CCNI2: variants seen among roughly 807,000 people sequenced by gnomAD.
The protein encoded by CCNI2 is cyclin-I2.
In CCNI2, 32 loss-of-function variants were observed where a neutral mutation model predicts 33.2. That is an observed-to-expected ratio of 0.96 (90% confidence interval 0.73 to 1.30). The LOEUF is 1.30. Among genes scored for constraint, CCNI2 ranks in the 50% most tolerant of loss-of-function variants. The pLI, the probability that CCNI2 is intolerant of heterozygous loss-of-function variation, is 0.00. For synonymous variants in CCNI2, 231 were observed against 219.9 expected (o/e 1.05, Z -0.45); for missense variants, 452 against 486.2 (o/e 0.93, Z 0.66).
Position 132,753,070 on chromosome 5 carries a change from G to A in CCNI2, c.*100G>A. 4 of 962,052 alleles carry A rather than the reference G, an allele frequency of 4.2e-6. No homozygotes were observed. Among genetic ancestry groups the A allele is most frequent in the Non-Finnish European group, 6.4e-6 (4 of 622,490 alleles). The allele number at this position is 962,052 out of a possible 1,614,324, so 59.6% of individuals were successfully genotyped here. A position where few individuals can be genotyped will look rare whatever the true frequency, so the allele number is the denominator to read the frequency against. On this transcript the variant is annotated 3_prime_UTR_variant, in exon 6 of 6. Coordinates refer to ENST00000378731, the MANE Select transcript of CCNI2 (RefSeq NM_001039780.4). The stretch of plus-strand genomic sequence containing the variant: ...GCTTGTTATGAATCCTGTAAAAAGG[G>A]AAGGTGGCTCTGGAAGAGCAACTGA...
At chr5:132,751,732 C>G (rs780182209) in intron 4 of CCNI2, 6 of 585,166 alleles carry the variant, frequency 1.0e-5, no homozygotes, top group Admixed American at 6.5e-5. Context: ...CCGCTCATAA[C>G]GATGATGTCA....
In CCNI2 at chr5:132,747,503, C is replaced by A; in HGVS notation, c.8C>A (p.Ser3Ter). MA[S>*]GAQLPPQPSS... ...CAGGATCCCGCTCACGACATGGCCTCGGGCGCTCAGCTCCCGCCGCAGCCG... is the reference window on the plus strand; with the variant it reads ...CAGGATCCCGCTCACGACATGGCCTAGGGCGCTCAGCTCCCGCCGCAGCCG... The change falls in exon 1 of 6, where the codon TCG becomes TAG. Residue 3 changes from serine to a stop codon, truncating the protein, a stop_gained. Transcript: ENST00000378731. LOFTEE classifies it high-confidence loss of function. The surrounding 1 kb of genome is among the most constrained non-coding windows in gnomAD (Gnocchi z 4.1). 1 of 1,480,182 alleles carries A rather than the reference C, an allele frequency of 6.8e-7. No individual in the cohort carries two copies. Among genetic ancestry groups the A allele is most frequent in the Non-Finnish European group, 8.9e-7 (1 of 1,123,128 alleles). 91.7% of individuals were successfully genotyped at this position (1,480,182 alleles called of 1,614,324 possible).
Position 132,753,089 on chromosome 5 carries a change from C to T in CCNI2, c.*119C>T. 1 of 804,956 alleles carries T rather than the reference C, an allele frequency of 1.2e-6. No homozygotes were observed. Among genetic ancestry groups the T allele is most frequent in the Non-Finnish European group, 2.0e-6 (1 of 503,194 alleles). The allele number at this position is 804,956 out of a possible 1,614,324, so 49.9% of individuals were successfully genotyped here. A position where few individuals can be genotyped will look rare whatever the true frequency, so the allele number is the denominator to read the frequency against. On this transcript the variant is annotated 3_prime_UTR_variant, in exon 6 of 6. Coordinates refer to ENST00000378731, the MANE Select transcript of CCNI2 (RefSeq NM_001039780.4). The stretch of plus-strand genomic sequence containing the variant: ...AAAAGGGAAGGTGGCTCTGGAAGAG[C>T]AACTGAGAAAAAGTTCCCAACTGAG...
At chr5:132,750,326 G>C (rs1754754060) in intron 3 of CCNI2, among the ~76,000 whole-genome samples, 1 of 152,164 alleles carries the variant, frequency 6.6e-6, no homozygotes, top group African/African-American at 2.4e-5. Flanking sequence ...CCCTCTGTGG[G>C]AAAAGCCATA....
In CCNI2 at chr5:132,754,197, C is replaced by T. The variant is rs558677882; in HGVS notation, c.*1227C>T. The T allele has an allele frequency of 9.3e-6, 5 of 534,852 alleles. No homozygotes were observed. Among genetic ancestry groups the T allele is most frequent in the South Asian group, 2.6e-5 (1 of 38,144 alleles). The allele number at this position is 534,852 out of a possible 1,614,324, so 33.1% of individuals were successfully genotyped here. On this transcript the variant is annotated 3_prime_UTR_variant, in exon 6 of 6. Coordinates refer to ENST00000378731, the MANE Select transcript of CCNI2 (RefSeq NM_001039780.4). ...ATGAGTCTTATTTTGAGCTACCATG[C>T]ATTTAGCCTTGCGAGAGTCAGATAC...
chr5:132,751,801 T>A (rs549695318), intron 4 of CCNI2, 165 bp from the exon 5 acceptor site: 1 of 790,962 alleles, frequency 1.3e-6, no homozygotes, highest in Non-Finnish European at 1.9e-6. Flanking sequence ...GGCCACAGGA[T>A]GGGCATTAAG....
At chr5:132,756,035 T>A (rs1011824319), downstream of CCNI2, 18 of 984,238 alleles carry the variant, frequency 1.8e-5, no homozygotes, top group African/African-American at 3.5e-5. Flanking sequence ...ATGAAAAAAA[T>A]AAGTACAAAG....
chr5:132,747,503 C>T lies in CCNI2; in HGVS notation c.8C>T (p.Ser3Leu), dbSNP rs545836847. Reference sequence around the variant, plus strand: ...CAGGATCCCGCTCACGACATGGCCTCGGGCGCTCAGCTCCCGCCGCAGCCG... The same window carrying T: ...CAGGATCCCGCTCACGACATGGCCTTGGGCGCTCAGCTCCCGCCGCAGCCG... Reference protein sequence around the residue: MASGAQLPPQPSS... With the variant: MALGAQLPPQPSS... The change falls in exon 1 of 6, where the codon TCG (serine) becomes TTG (leucine). Residue 3 changes from serine (S) to leucine (L), a missense_variant. By Grantham distance (145) the Ser-to-Leu change is moderately radical. Coordinates refer to ENST00000378731, the MANE Select transcript of CCNI2 (RefSeq NM_001039780.4). This position sits in a 1 kb window ranked among gnomAD's most constrained non-coding sequence, Gnocchi z 4.1. The T allele has an allele frequency of 5.5e-5, 82 of 1,480,180 alleles. 1 individual carries two copies. In the African/African-American group the frequency reaches 7.6e-4, roughly 14 times the overall value. The allele number at this position is 1,480,180 out of a possible 1,614,324, so 91.7% of individuals were successfully genotyped here.
At chr5:132,751,259 CTT>C (rs898391900) in intron 4 of CCNI2, 1 of 383,734 alleles carries the variant, frequency 2.6e-6, no homozygotes, top group African/African-American at 2.1e-5. Flanking sequence ...GTGAGTTTCT[CTT>C]TTAAATACAC....
In CCNI2 at chr5:132,747,992, C is replaced by T. The variant is rs1754661047; in HGVS notation, c.429+68C>T. On this transcript the variant is annotated intron_variant, in intron 1 of 5. Coordinates refer to ENST00000378731, the MANE Select transcript of CCNI2 (RefSeq NM_001039780.4). This position sits in a 1 kb window ranked among gnomAD's most constrained non-coding sequence, Gnocchi z 4.1. ...AGGCGGATGTGGCCTCCACCTGCAC[C>T]CGCGCTCGGGTGTTCTGAAACTGGA... The T allele has an allele frequency of 5.2e-6, 7 of 1,335,084 alleles. No individual in the cohort carries two copies. The highest frequency in any genetic ancestry group is 5.8e-6 in the Non-Finnish European group (6 of 1,038,476). The allele number at this position is 1,335,084 out of a possible 1,614,324, so 82.7% of individuals were successfully genotyped here.
Position 132,754,389 on chromosome 5 carries a change from A to C in CCNI2, c.*1419A>C. ...TAAGTGGGACCACAGTGCATGAGGCAGAAGGACATCCTGAGGGCCCATACC... is the reference window on the plus strand; with the variant it reads ...TAAGTGGGACCACAGTGCATGAGGCCGAAGGACATCCTGAGGGCCCATACC... On this transcript the variant is annotated 3_prime_UTR_variant, in exon 6 of 6. Coordinates refer to ENST00000378731, the MANE Select transcript of CCNI2 (RefSeq NM_001039780.4). 1 of 717,392 alleles carries C rather than the reference A, an allele frequency of 1.4e-6. No homozygotes were observed. 44.4% of individuals were successfully genotyped at this position (717,392 alleles called of 1,614,324 possible).
Position 132,748,367 on chromosome 5 carries a change from C to T in CCNI2, c.450C>T (p.Phe150=). ...AGCAGGATGAAATCTGCGACGCCTTCGAGGAAGTCGTGCTGTGGCTCCTGC... is the reference window on the plus strand; with the variant it reads ...AGCAGGATGAAATCTGCGACGCCTTTGAGGAAGTCGTGCTGTGGCTCCTGC... ...GKPQDEICDA[F]EEVVLWLLRL... is the part of the protein sequence containing the mutation. Residue 150 remains phenylalanine (F), a synonymous_variant, in exon 2 of 6, where the codon TTC becomes TTT. Coordinates refer to ENST00000378731, the MANE Select transcript of CCNI2 (RefSeq NM_001039780.4). The T allele has an allele frequency of 6.2e-7, 1 of 1,614,096 alleles. No individual in the cohort carries two copies. The highest frequency in any genetic ancestry group is 8.5e-7 in the Non-Finnish European group (1 of 1,180,006).
chr5:132,747,993 C>T lies in CCNI2; in HGVS notation c.429+69C>T, dbSNP rs1238276351. 1.5e-6 allele frequency: 2 copies of T among 1,330,250 alleles called. No individual in the cohort carries two copies. Among genetic ancestry groups the T allele is most frequent in the African/African-American group, 1.5e-5 (1 of 64,808 alleles). 82.4% of individuals were successfully genotyped at this position (1,330,250 alleles called of 1,614,324 possible). ...GGCGGATGTGGCCTCCACCTGCACC[C>T]GCGCTCGGGTGTTCTGAAACTGGAG... is the stretch of plus-strand genomic sequence containing the variant. On this transcript the variant is annotated intron_variant, in intron 1 of 5. Coordinates refer to ENST00000378731, the MANE Select transcript of CCNI2 (RefSeq NM_001039780.4). This position sits in a 1 kb window ranked among gnomAD's most constrained non-coding sequence, Gnocchi z 4.1.
chr5:132,748,257 C>T (rs149367607), intron 1 of CCNI2, 90 bp from the exon 2 acceptor site: 1 of 1,544,734 alleles, frequency 6.5e-7, no homozygotes, highest in African/African-American at 1.4e-5. Context: ...GCCCCACCCC[C>T]CGCACCTTAA....
At chr5:132,755,173 C>T (rs1755217869), downstream of CCNI2, among the ~76,000 whole-genome samples, 2 of 152,214 alleles carry the variant, frequency 1.3e-5, no homozygotes. Flanking sequence ...TCATACCACT[C>T]TCCCTGCAGG....
intron 1 of CCNI2, 128 bp downstream of exon 1, chr5:132,748,052 G>A (rs908908410): frequency 2.7e-5 from 29 of 1,066,168 alleles, no homozygotes; most frequent in Non-Finnish European, 3.4e-5. Flanking sequence ...CCCCTCACGA[G>A]AGGCACGAGG....
At chr5:132,755,116 G>A (rs1392653677), downstream of CCNI2, among the ~76,000 whole-genome samples, 2 of 152,104 alleles carry the variant, frequency 1.3e-5, no homozygotes, top group Non-Finnish European at 2.9e-5. Context: ...TTGCCTCCCT[G>A]CTGCCTGCAC....
chr5:132,747,687 G>T lies in CCNI2; in HGVS notation c.192G>T (p.Ala64=). ...SRCPGTRQPG[A]ASLHAASAAV... ...GCCCTGGGACCCGCCAGCCCGGAGC[G>T]GCCTCCCTCCACGCGGCGTCCGCAG... Residue 64 remains alanine, a synonymous_variant, in exon 1 of 6, where the codon GCG becomes GCT. Coordinates refer to ENST00000378731, the MANE Select transcript of CCNI2 (RefSeq NM_001039780.4). The surrounding 1 kb of genome is among the most constrained non-coding windows in gnomAD (Gnocchi z 4.1). 5 of 1,499,234 alleles carry T rather than the reference G, an allele frequency of 3.3e-6. No individual in the cohort carries two copies. Among genetic ancestry groups the T allele is most frequent in the Non-Finnish European group, 4.4e-6 (5 of 1,131,550 alleles). 92.9% of individuals were successfully genotyped at this position (1,499,234 alleles called of 1,614,324 possible).
In CCNI2 at chr5:132,751,194, A is replaced by G. The variant is rs570219206; in HGVS notation, c.774+197A>G. The G allele has an allele frequency of 2.0e-5, 10 of 507,030 alleles. No individual in the cohort carries two copies. The South Asian group carries it at 3.6e-4, about 18-fold the overall frequency. The allele number at this position is 507,030 out of a possible 1,614,324, so 31.4% of individuals were successfully genotyped here. On this transcript the variant is annotated intron_variant, in intron 4 of 5. Coordinates refer to ENST00000378731, the MANE Select transcript of CCNI2 (RefSeq NM_001039780.4). ...TCCAACACAGTTCCACCAGACTCCC[A>G]CTTCTAAAGGACATTAAATTAACTT... is the stretch of plus-strand genomic sequence containing the variant.
Sources: gnomAD v4.1 joint callset for allele counts (sites outside exome capture counted in the v4.1 genomes callset) on GRCh38, gnomAD v4.1.1 for gene constraint, Gnocchi (gnomAD v3.1) non-coding constraint, MANE v1.5 for transcripts, NCBI Gene and HGNC (gene_info 2026-07-23, HGNC 2026-07-21) for gene names.